The following PEBP4 variants were observed in gnomAD, a reference collection of about 807,000 sequenced individuals.
PEBP4 encodes phosphatidylethanolamine binding protein 4, also known as phosphatidylethanolamine-binding protein 4.
In PEBP4, 22 loss-of-function variants were observed where a neutral mutation model predicts 23.9. The ratio of observed to expected loss-of-function variants is 0.92; its 90% CI spans 0.66 to 1.31. PEBP4 has a LOEUF of 1.31. Ranked by LOEUF, PEBP4 falls within the 40% of genes most tolerant of loss-of-function variation. The pLI, the probability that PEBP4 is intolerant of heterozygous loss-of-function variation, is 0.00. For synonymous variants in PEBP4, 112 were observed against 99.3 expected, an observed-to-expected ratio of 1.13 and a Z score of -0.76; for missense variants, 324 against 281.7, an observed-to-expected ratio of 1.15 and a Z score of -1.07.
rs186037006 is a variant in PEBP4, at chr8:22,907,632, C to T, written c.258+12552G>A. On this transcript the variant is annotated intron_variant, in intron 3 of 6. Coordinates refer to ENST00000256404, the MANE Select transcript of PEBP4 (RefSeq NM_144962.3). ...GAAGTGAAGAGGTGATGGGCTGGCT[C>T]ACACCAGGTCTGGGAAGCCACTGTC... 1.9e-3 allele frequency among the ~76,000 whole-genome samples: 285 copies of T among 152,254 alleles called. 1 individual carries two copies. Among genetic ancestry groups the T allele is most frequent in the Non-Finnish European group, 3.6e-3 (242 of 68,016 alleles).
chr8:22,835,678 C>T lies in PEBP4; in HGVS notation c.259-17943G>A, dbSNP rs188052114. On this transcript the variant is annotated intron_variant, in intron 3 of 6. Coordinates refer to ENST00000256404, the MANE Select transcript of PEBP4 (RefSeq NM_144962.3). ...TCCCAGCAATGGGTCCCCCACTATC[C>T]TGGGAATGCAGTTCATTCTGGTACA... 6.6e-5 allele frequency among the ~76,000 whole-genome samples: 10 copies of T among 152,340 alleles called. No homozygotes were observed. In the East Asian group the frequency reaches 1.5e-3, roughly 23 times the overall value.
At chr8:22,755,999 A>G (rs1349627720) in intron 4 of PEBP4, 1 of 152,258 alleles carries the variant, frequency 6.6e-6, no homozygotes, top group Non-Finnish European at 1.5e-5. Flanking sequence ...CAACGGGGAC[A>G]CAACTAAAGG....
At chr8:22,778,739 G>A (rs143348151) in intron 4 of PEBP4, among the ~76,000 whole-genome samples, 65 of 152,278 alleles carry the variant, frequency 4.3e-4, no homozygotes, top group African/African-American at 1.5e-3. Flanking sequence ...ATGCTGTCTC[G>A]TGGCTGCTGG....
At chr8:22,800,059 A>G (rs1224383066) in intron 4 of PEBP4, among the ~76,000 whole-genome samples, 1 of 152,238 alleles carries the variant, frequency 6.6e-6, no homozygotes, top group East Asian at 1.9e-4. Context: ...TTGTAGGGAC[A>G]TGGATGAAGC....
At chr8:22,749,510 C>G (rs10109031) in intron 4 of PEBP4, among the ~76,000 whole-genome samples, 4,185 of 152,336 alleles carry the variant, frequency 0.027, 179 homozygotes, top group African/African-American at 0.094. Context: ...AGCAAGGGCA[C>G]GGCCACCAAA....
chr8:22,738,576 GGCCTAGGGGCAAC>G (rs1804920373), intron 4 of PEBP4, among the ~76,000 whole-genome samples: 1 of 152,136 alleles, frequency 6.6e-6, no homozygotes. Flanking sequence ...AGGCCAAGGG[GGCCTAGGGGCAAC>G]CTCAGGCTGG....
At chr8:22,789,324 C>T (rs1321010873) in intron 4 of PEBP4, among the ~76,000 whole-genome samples, 1 of 152,130 alleles carries the variant, frequency 6.6e-6, no homozygotes, top group South Asian at 2.1e-4. Context: ...TAGAGATCGT[C>T]GGGCCCAACC....
intron 6 of PEBP4, 24 bp from the exon 7 acceptor site, chr8:22,713,560 G>A (rs1389007704): frequency 1.9e-6 from 3 of 1,613,918 alleles, no homozygotes; most frequent in Non-Finnish European, 2.5e-6. Flanking sequence ...CAGACCACAG[G>A]GAGGCAGTGA....
At chr8:22,782,993 C>T (rs1193841742) in intron 4 of PEBP4, among the ~76,000 whole-genome samples, 1 of 152,210 alleles carries the variant, frequency 6.6e-6, no homozygotes, top group Non-Finnish European at 1.5e-5. Context: ...CGGGAGGTTC[C>T]AGCTGCCAGC....
chr8:22,911,940 C>A (rs1416552877), intron 3 of PEBP4, among the ~76,000 whole-genome samples: 1 of 152,164 alleles, frequency 6.6e-6, no homozygotes, highest in Non-Finnish European at 1.5e-5. Flanking sequence ...TGGCTGGGAG[C>A]TTTCAGTGGA....
intron 4 of PEBP4, among the ~76,000 whole-genome samples, chr8:22,761,684 A>C (rs1015401246): frequency 2.0e-5 from 3 of 152,236 alleles, no homozygotes; most frequent in Admixed American, 2.0e-4. Flanking sequence ...CTCTTCATAA[A>C]GTACTAATTA....
intron 4 of PEBP4, among the ~76,000 whole-genome samples, chr8:22,761,681 T>A (rs1005788464): frequency 5.3e-5 from 8 of 152,194 alleles, no homozygotes; most frequent in Non-Finnish European, 8.8e-5. Context: ...GTACTCTTCA[T>A]AAAGTACTAA....
chr8:22,732,692 G>A (rs1390940151), intron 4 of PEBP4, among the ~76,000 whole-genome samples: 1 of 152,094 alleles, frequency 6.6e-6, no homozygotes, highest in African/African-American at 2.4e-5. Context: ...GTGCATGCAT[G>A]TGCACATGTA....
At chr8:22,737,575 T>G (rs1157968513) in intron 4 of PEBP4, among the ~76,000 whole-genome samples, 1 of 152,116 alleles carries the variant, frequency 6.6e-6, no homozygotes, top group Non-Finnish European at 1.5e-5. Flanking sequence ...CTGCCCTGCT[T>G]TGTGGTCTGA....
At chr8:22,889,804 C>A (rs1465534964) in intron 3 of PEBP4, among the ~76,000 whole-genome samples, 1 of 152,238 alleles carries the variant, frequency 6.6e-6, no homozygotes, top group Non-Finnish European at 1.5e-5. Flanking sequence ...AAAGCAGAAT[C>A]ATGTAATACG....
At chr8:22,879,918 G>A (rs1046325933) in intron 3 of PEBP4, among the ~76,000 whole-genome samples, 1 of 152,254 alleles carries the variant, frequency 6.6e-6, no homozygotes, top group Non-Finnish European at 1.5e-5. Context: ...ATGGCACACA[G>A]AGGGGTATGT....
chr8:22,714,657 C>T (rs543690515), intron 6 of PEBP4, among the ~76,000 whole-genome samples: 14 of 152,038 alleles, frequency 9.2e-5, no homozygotes, highest in African/African-American at 2.9e-4. Flanking sequence ...TAATGGAGAC[C>T]AGTCACCTCT....
At position 22,728,599 on chromosome 8, in the gene PEBP4, CCTT is replaced by C. The variant is rs1467755750; in HGVS notation, c.358-1382_358-1380del. ...TCCTTCCTTCCTTCCTTCCTTCCTT[CCTT>C]CCTTCCTTCCCTTTTTTTGGAGTCT... On this transcript the variant is annotated intron_variant, in intron 4 of 6. Coordinates refer to ENST00000256404, the MANE Select transcript of PEBP4 (RefSeq NM_144962.3). Among the ~76,000 whole-genome samples the C allele has an allele frequency of 9.6e-4, 127 of 132,708 alleles. No individual in the cohort carries two copies. The East Asian group carries it at 0.01, about 11-fold the overall frequency. 87.1% of individuals were successfully genotyped at this position (132,708 alleles called of 152,430 possible). A position where few individuals can be genotyped will look rare whatever the true frequency, so the allele number is the denominator to read the frequency against.
intron 4 of PEBP4, among the ~76,000 whole-genome samples, chr8:22,782,911 G>T (rs961946102): frequency 1.3e-5 from 2 of 152,190 alleles, no homozygotes; most frequent in African/African-American, 2.4e-5. Context: ...GTTTGCTTCT[G>T]CCAGAGTCAC....
Sources: gnomAD v4.1 joint callset for allele counts (sites outside exome capture counted in the v4.1 genomes callset) on GRCh38, gnomAD v4.1.1 for gene constraint, MANE v1.5 for transcripts, NCBI Gene and HGNC (gene_info 2026-07-23, HGNC 2026-07-21) for gene names.